Variants in CLEC16A observed in about 807,000 individuals in gnomAD.
The protein encoded by CLEC16A is protein CLEC16A.
Under a neutral mutation model 109.5 loss-of-function variants are expected in CLEC16A, and 51 were observed. The observed-to-expected ratio is 0.47, with a 90% CI of 0.37 to 0.59. The LOEUF (loss-of-function observed/expected upper bound fraction) is 0.59. CLEC16A is among the 20% of genes least tolerant of loss of function. The probability of loss-of-function intolerance (pLI) is 0.00; values close to 1 mark genes in which losing one functional copy is unlikely to be tolerated. For synonymous variants in CLEC16A, 673 were observed against 564.2 expected (o/e 1.19, Z -2.73); for missense variants, 1,339 against 1,394.0 (o/e 0.96, Z 0.63).
At chr16:11,020,933 C>T (rs2046062431) in intron 12 of CLEC16A, among the ~76,000 whole-genome samples, 3 of 152,238 alleles carry the variant, frequency 2.0e-5, no homozygotes, top group African/African-American at 2.4e-5. Context: ...CTACTCCCAG[C>T]GTATGCTGGT....
At chr16:11,056,266 G>A (rs1427553662) in intron 18 of CLEC16A, among the ~76,000 whole-genome samples, 4 of 152,146 alleles carry the variant, frequency 2.6e-5, no homozygotes, top group Non-Finnish European at 5.9e-5. Context: ...TCACCCTCCC[G>A]GAACCTCAGG....
At chr16:11,034,152 A>C (rs530918371) in intron 13 of CLEC16A, among the ~76,000 whole-genome samples, 2 of 152,362 alleles carry the variant, frequency 1.3e-5, no homozygotes, top group South Asian at 4.1e-4. Context: ...AGCTTTTGCC[A>C]TGCGGAGAAC....
intron 10 of CLEC16A, among the ~76,000 whole-genome samples, chr16:10,987,354 T>A (rs2043733127): frequency 6.6e-6 from 1 of 152,180 alleles, no homozygotes; most frequent in Non-Finnish European, 1.5e-5. Context: ...AACTGCGGGT[T>A]ACTGGCAACC....
At chr16:10,985,794 T>TGCAGCCTCTGCCTCTGGGTTCAAGCG (rs748991627) in intron 10 of CLEC16A, among the ~76,000 whole-genome samples, 19,962 of 151,348 alleles carry the variant, frequency 0.13, 1,303 homozygotes, top group African/African-American at 0.14. Context: ...CTCGGCTCAC[T>TGCAGCCTCTGCCTCTGGGTTCAAGCG]GCAGCCTCTG....
At chr16:11,030,217 C>CAG (rs1394940201) in intron 13 of CLEC16A, among the ~76,000 whole-genome samples, 3 of 152,144 alleles carry the variant, frequency 2.0e-5, no homozygotes, top group African/African-American at 7.2e-5. Flanking sequence ...TATGCCCATA[C>CAG]AGAGAGTTGT....
rs1411591054 is a variant in CLEC16A at position 11,182,165 on chromosome 16, A to G, written c.*3475A>G. On this transcript the variant is annotated 3_prime_UTR_variant, in exon 24 of 24. Coordinates refer to ENST00000409790, the MANE Select transcript of CLEC16A (RefSeq NM_015226.3). Reference sequence around the variant, plus strand: ...TCCTTGTAAATTTAAACTTGGCAATAAAAGAGAAAAAAAGTTACCAAGAAT... The same window carrying G: ...TCCTTGTAAATTTAAACTTGGCAATGAAAGAGAAAAAAAGTTACCAAGAAT... 2 of 152,178 alleles carry G rather than the reference A, an allele frequency of 1.3e-5. No individual in the cohort carries two copies. Among genetic ancestry groups the G allele is most frequent in the Non-Finnish European group, 2.9e-5 (2 of 68,042 alleles). The allele number at this position is 152,178 out of a possible 1,614,324, so 9.4% of individuals were successfully genotyped here. A position where few individuals can be genotyped will look rare whatever the true frequency, so the allele number is the denominator to read the frequency against.
In CLEC16A at chr16:11,123,756, T is replaced by C. The variant is rs1167734452; in HGVS notation, c.2283T>C (p.Thr761=). 6.2e-7 allele frequency: 1 copy of C among 1,614,098 alleles called. No individual in the cohort carries two copies. Among genetic ancestry groups the C allele is most frequent in the Non-Finnish European group, 8.5e-7 (1 of 1,179,912 alleles). ...TCACTGTGCAGGACATGCAGGTGACTGGCGTGGAGGACGACAGCCGTGCCC... is the reference window on the plus strand; with the variant it reads ...TCACTGTGCAGGACATGCAGGTGACCGGCGTGGAGGACGACAGCCGTGCCC... ...FAGLLQDMQV[T]GVEDDSRALN... Residue 761 remains threonine (T), a synonymous_variant, in exon 21 of 24, where the codon ACT becomes ACC. Coordinates refer to ENST00000409790, the MANE Select transcript of CLEC16A (RefSeq NM_015226.3).
chr16:11,015,490 A>C (rs898086726), intron 11 of CLEC16A, among the ~76,000 whole-genome samples: 1 of 152,194 alleles, frequency 6.6e-6, no homozygotes, highest in Non-Finnish European at 1.5e-5. Flanking sequence ...GTAGAATTCC[A>C]GAAAGGGGCC....
At chr16:11,156,994 C>T (rs1480777697) in intron 22 of CLEC16A, 4 of 1,167,708 alleles carry the variant, frequency 3.4e-6, no homozygotes, top group Admixed American at 2.6e-5. Context: ...GACCTTCACC[C>T]GACAGCAAAA....
At chr16:10,953,972 G>C (rs1298671180) in intron 1 of CLEC16A, among the ~76,000 whole-genome samples, 1 of 57,940 alleles carries the variant, frequency 1.7e-5, no homozygotes, top group African/African-American at 5.0e-5. Flanking sequence ...GCAAGACTCC[G>C]TCTCAAAAAA....
chr16:11,072,309 G>A (rs1188387463), intron 19 of CLEC16A, among the ~76,000 whole-genome samples: 1 of 150,812 alleles, frequency 6.6e-6, no homozygotes, highest in South Asian at 2.1e-4. Context: ...TGTGGAGATG[G>A]GGTCTCTCTA....
rs907297058 is a variant in CLEC16A at position 11,159,647 on chromosome 16, A to G, written c.2642-6741A>G. On this transcript the variant is annotated intron_variant, in intron 22 of 23. Transcript: ENST00000409790. ...TTGTGTCTCCCATTAAGCTGCTTTCAAAGACATGCCCCAGGAGGGTTTCAT... is the reference window on the plus strand; with the variant it reads ...TTGTGTCTCCCATTAAGCTGCTTTCGAAGACATGCCCCAGGAGGGTTTCAT... 7.9e-5 allele frequency among the ~76,000 whole-genome samples: 12 copies of G among 152,248 alleles called. 1 individual carries two copies. The highest frequency in any genetic ancestry group is 7.2e-4 in the Admixed American group (11 of 15,294).
At chr16:11,069,068 A>AGC (rs1257116714) in intron 19 of CLEC16A, among the ~76,000 whole-genome samples, 1 of 151,842 alleles carries the variant, frequency 6.6e-6, no homozygotes, top group Non-Finnish European at 1.5e-5. Flanking sequence ...CCTGGCCTCA[A>AGC]ATAGTCCGCC....
chr16:11,025,756 ATG>A (rs1195073874), intron 13 of CLEC16A, among the ~76,000 whole-genome samples: 1 of 148,190 alleles, frequency 6.7e-6, no homozygotes, highest in Non-Finnish European at 1.5e-5. Context: ...AACTAAGTTT[ATG>A]TGTTCTTAAA....
In CLEC16A at chr16:10,954,008, A is replaced by G. The variant is rs1034697735; in HGVS notation, c.81-3774A>G. 2.6e-5 allele frequency among the ~76,000 whole-genome samples: 4 copies of G among 151,524 alleles called. No individual in the cohort carries two copies. The East Asian group carries it at 7.7e-4, about 29-fold the overall frequency. ...AAAAAAATGGGCAAAAGACTTGCAC[A>G]GGCACCTCACAAAAGAAGATATTCA... On this transcript the variant is annotated intron_variant, in intron 1 of 23. Coordinates refer to ENST00000409790, the MANE Select transcript of CLEC16A (RefSeq NM_015226.3). The surrounding 1 kb of genome is among the most constrained non-coding windows in gnomAD (Gnocchi z 4.2).
intron 19 of CLEC16A, among the ~76,000 whole-genome samples, chr16:11,098,500 C>A (rs1025006070): frequency 1.3e-5 from 2 of 152,218 alleles, no homozygotes; most frequent in African/African-American, 4.8e-5. Context: ...GCTGTGGCTT[C>A]CTAAGAGCTG....
chr16:10,985,027 C>T (rs1444451267), intron 10 of CLEC16A, among the ~76,000 whole-genome samples: 4 of 151,804 alleles, frequency 2.6e-5, no homozygotes, highest in Non-Finnish European at 5.9e-5. Context: ...CGGTGAAACC[C>T]CGTCTCTACT....
At chr16:11,133,353 A>ATTT (rs576281033) in intron 22 of CLEC16A, among the ~76,000 whole-genome samples, 38 of 149,210 alleles carry the variant, frequency 2.5e-4, no homozygotes, top group African/African-American at 9.4e-4. Context: ...AAAAAAAAAA[A>ATTT]TTTTTTTTTT....
At position 11,161,554 on chromosome 16, in the gene CLEC16A, T is replaced by C. The variant is rs773976676; in HGVS notation, c.2642-4834T>C. Among the ~76,000 whole-genome samples, 6 of 152,212 alleles carry C rather than the reference T, an allele frequency of 3.9e-5. 1 individual carries two copies. In the East Asian group the frequency reaches 1.2e-3, roughly 29 times the overall value. Reference sequence around the variant, plus strand: ...CACTCCTATGCACACCCAGTGATTCTGGGGTTGTAGGAGGGCCTTGACTCG... The same window carrying C: ...CACTCCTATGCACACCCAGTGATTCCGGGGTTGTAGGAGGGCCTTGACTCG... On this transcript the variant is annotated intron_variant, in intron 22 of 23. Transcript: ENST00000409790.
Sources: gnomAD v4.1 joint callset for allele counts (sites outside exome capture counted in the v4.1 genomes callset) on GRCh38, gnomAD v4.1.1 for gene constraint, Gnocchi (gnomAD v3.1) non-coding constraint, MANE v1.5 for transcripts, NCBI Gene and HGNC (gene_info 2026-07-23, HGNC 2026-07-21) for gene names.